RBFOX1: variants seen among roughly 807,000 people sequenced by gnomAD.
RBFOX1 encodes RNA binding protein fox-1 homolog 1.
In RBFOX1, 8 loss-of-function variants were observed where a neutral mutation model predicts 57.7. That is an observed-to-expected ratio of 0.14 (90% CI 0.08 to 0.25). The LOEUF (loss-of-function observed/expected upper bound fraction) is 0.25. Among genes scored for constraint, RBFOX1 ranks in the 10% least tolerant of loss-of-function variants. RBFOX1 has a pLI of 1.00. For synonymous variants in RBFOX1, 326 were observed against 222.4 expected (o/e 1.47, Z -4.15); for missense variants, 611 against 548.5 (o/e 1.11, Z -1.14).
At chr16:6,919,423 A>G (rs1041482647) in intron 3 of RBFOX1, among the ~76,000 whole-genome samples, 7 of 149,020 alleles carry the variant, frequency 4.7e-5, no homozygotes, top group African/African-American at 1.7e-4. Context: ...AAATAAAATA[A>G]AGCTCCCCCA....
chr16:6,634,577 G>T (rs924551688), intron 2 of RBFOX1, among the ~76,000 whole-genome samples: 1 of 144,942 alleles, frequency 6.9e-6, no homozygotes, highest in South Asian at 2.2e-4. Flanking sequence ...CATATTTAAA[G>T]TATTCAAATA....
intron 3 of RBFOX1, among the ~76,000 whole-genome samples, chr16:6,883,963 G>T (rs551273764): frequency 6.6e-6 from 1 of 152,128 alleles, no homozygotes; most frequent in Non-Finnish European, 1.5e-5. Context: ...GGTCCAAAGC[G>T]CAGAGGAGAT....
chr16:5,475,034 C>T (rs1021257706), intron 2 of RBFOX1, among the ~76,000 whole-genome samples: 1 of 152,130 alleles, frequency 6.6e-6, no homozygotes, highest in Non-Finnish European at 1.5e-5. Context: ...GCATGCTACC[C>T]TTCATTTTGT....
At chr16:5,692,487 C>G (rs796080102) in intron 3 of RBFOX1, among the ~76,000 whole-genome samples, 1 of 152,110 alleles carries the variant, frequency 6.6e-6, no homozygotes, top group Non-Finnish European at 1.5e-5. Context: ...CTCCAAAGAG[C>G]GCCTGAGTTG....
At chr16:6,002,462 T>C (rs1476790959) in intron 4 of RBFOX1, among the ~76,000 whole-genome samples, 2 of 152,234 alleles carry the variant, frequency 1.3e-5, no homozygotes, top group African/African-American at 4.8e-5. Flanking sequence ...CTTTGCATTT[T>C]GAACTGATTT....
At chr16:6,417,586 C>T (rs2093659257) in intron 2 of RBFOX1, among the ~76,000 whole-genome samples, 1 of 147,384 alleles carries the variant, frequency 6.8e-6, no homozygotes, top group Non-Finnish European at 1.5e-5. Context: ...GACGGGGTTT[C>T]ACCATGTTGT....
intron 3 of RBFOX1, among the ~76,000 whole-genome samples, chr16:6,978,889 G>A (rs901608593): frequency 1.3e-5 from 2 of 152,118 alleles, no homozygotes; most frequent in Non-Finnish European, 2.9e-5. Context: ...TGATGCTTTC[G>A]GATGCTGCAG....
chr16:6,229,161 C>T (rs148582369), intron 1 of RBFOX1, among the ~76,000 whole-genome samples: 1 of 152,252 alleles, frequency 6.6e-6, no homozygotes, highest in African/African-American at 2.4e-5. Flanking sequence ...ACCTTTTACC[C>T]CCCGAGACTA....
intron 3 of RBFOX1, among the ~76,000 whole-genome samples, chr16:5,702,222 A>AAACACTGGGAGACCTCC (rs1567417930): frequency 6.6e-6 from 1 of 152,094 alleles, no homozygotes; most frequent in African/African-American, 2.4e-5. Flanking sequence ...GGGAGACCTC[A>AAACACTGGGAGACCTCC]GGAAACTTAC....
chr16:6,943,315 T>C (rs1415938618), intron 3 of RBFOX1, among the ~76,000 whole-genome samples: 1 of 152,118 alleles, frequency 6.6e-6, no homozygotes, highest in African/African-American at 2.4e-5. Flanking sequence ...GCAAACCAAA[T>C]ATGGCTTGAA....
intron 4 of RBFOX1, among the ~76,000 whole-genome samples, chr16:7,058,288 G>A (rs2053110199): frequency 6.6e-6 from 1 of 152,248 alleles, no homozygotes; most frequent in Non-Finnish European, 1.5e-5. Context: ...TTAAACTAAA[G>A]TATCTTTAGC....
At position 6,875,925 on chromosome 16, in the gene RBFOX1, G is replaced by T. The variant is rs568303591; in HGVS notation, c.-15-176132G>T. On this transcript the variant is annotated intron_variant, in intron 3 of 15. Coordinates refer to ENST00000550418, the MANE Select transcript of RBFOX1 (RefSeq NM_018723.4). ...AGGTGGGAGGATCACTTGAGCCGGG[G>T]AGGTGGAGGTTGCAGTGAGCTGCAA... 2.0e-5 allele frequency among the ~76,000 whole-genome samples: 3 copies of T among 152,166 alleles called. No homozygotes were observed. The South Asian group carries it at 6.2e-4, about 32-fold the overall frequency.
chr16:6,893,743 A>C (rs1192442108), intron 3 of RBFOX1, among the ~76,000 whole-genome samples: 1 of 152,236 alleles, frequency 6.6e-6, no homozygotes, highest in African/African-American at 2.4e-5. Flanking sequence ...ATTTGCATTT[A>C]TCATGAAGAC....
intron 3 of RBFOX1, among the ~76,000 whole-genome samples, chr16:5,688,781 C>G (rs1233870782): frequency 6.6e-6 from 1 of 152,174 alleles, no homozygotes; most frequent in Non-Finnish European, 1.5e-5. Context: ...TCAGGGCATT[C>G]CAAGTAACTT....
chr16:7,248,299 G>T (rs1192666434), intron 4 of RBFOX1, among the ~76,000 whole-genome samples: 2 of 152,136 alleles, frequency 1.3e-5, no homozygotes, highest in Non-Finnish European at 1.5e-5. Flanking sequence ...CCTACCTACT[G>T]CTCACTCCCT....
chr16:6,913,903 T>C (rs773504947), intron 3 of RBFOX1, among the ~76,000 whole-genome samples: 8 of 152,226 alleles, frequency 5.3e-5, no homozygotes, highest in Non-Finnish European at 7.3e-5. Context: ...GTGTAACTTT[T>C]ATAAAGCAAA....
intron 2 of RBFOX1, among the ~76,000 whole-genome samples, chr16:6,331,375 A>T (rs1224530700): frequency 2.0e-5 from 3 of 151,944 alleles, no homozygotes; most frequent in Non-Finnish European, 4.4e-5. Flanking sequence ...TGAGCCCGGG[A>T]GGTGGAGGTT....
chr16:6,902,004 A>G (rs2068618200), intron 3 of RBFOX1, among the ~76,000 whole-genome samples: 1 of 152,190 alleles, frequency 6.6e-6, no homozygotes, highest in South Asian at 2.1e-4. Flanking sequence ...ACTTTGCCTG[A>G]ATGAATTATT....
chr16:6,796,189 C>G (rs1481249139), intron 3 of RBFOX1, among the ~76,000 whole-genome samples: 1 of 152,062 alleles, frequency 6.6e-6, no homozygotes, highest in African/African-American at 2.4e-5. Context: ...GGGAAACTCC[C>G]ATTTTTTAAA....
Sources: allele counts gnomAD v4.1 joint callset (sites outside exome capture counted in the v4.1 genomes callset), GRCh38; gene constraint gnomAD v4.1.1; transcripts MANE v1.5; gene names NCBI Gene and HGNC (gene_info 2026-07-23, HGNC 2026-07-21).